CNTRL: variants seen among roughly 807,000 people sequenced by gnomAD.
The protein encoded by CNTRL is 110 kDa centrosomal protein.
A neutral mutation model predicts 303.7 loss-of-function variants in CNTRL; 233 were observed. That is an observed-to-expected ratio of 0.77 (90% CI 0.69 to 0.86). The LOEUF (loss-of-function observed/expected upper bound fraction) is 0.86. Among genes scored for constraint, CNTRL ranks in the 40% least tolerant of loss-of-function variants. CNTRL has a pLI of 0.00. For synonymous variants in CNTRL, 900 were observed against 922.2 expected (o/e 0.98, Z 0.44); for missense variants, 2,524 against 2,650.6 (o/e 0.95, Z 1.05).
chr9:121,175,249 CAA>C (rs1186777274), intron 43 of CNTRL, 25 bp downstream of exon 43: 1 of 1,604,294 alleles, frequency 6.2e-7, no homozygotes, highest in Non-Finnish European at 8.5e-7. Context: ...TTTTTAAAAA[CAA>C]AACAATAGCC....
chr9:121,129,554 T>A (rs926134389), intron 14 of CNTRL, among the ~76,000 whole-genome samples: 2 of 152,220 alleles, frequency 1.3e-5, no homozygotes, highest in African/African-American at 4.8e-5. Flanking sequence ...TGGGGTTTTC[T>A]AAATATACAA....
intron 7 of CNTRL, among the ~76,000 whole-genome samples, chr9:121,100,271 A>G (rs1466902225): frequency 1.3e-5 from 2 of 152,242 alleles, no homozygotes; most frequent in Non-Finnish European, 2.9e-5. Context: ...CTTAAAGAAA[A>G]TAATTTTCAA....
chr9:121,121,804 A>C, intron 12 of CNTRL: 2 of 985,474 alleles, frequency 2.0e-6, no homozygotes, highest in African/African-American at 1.7e-5. Flanking sequence ...AGGCTCTGCG[A>C]AGTTACAGAG....
intron 17 of CNTRL, 125 bp downstream of exon 17, chr9:121,140,911 C>T (rs1386812290): frequency 1.1e-6 from 1 of 885,354 alleles, no homozygotes; most frequent in Non-Finnish European, 1.6e-6. Flanking sequence ...TTGTAAGGTT[C>T]TCCTTATGAA....
At chr9:121,087,685 C>T (rs2048400501) in intron 2 of CNTRL, among the ~76,000 whole-genome samples, 1 of 151,950 alleles carries the variant, frequency 6.6e-6, no homozygotes, top group South Asian at 2.1e-4. Flanking sequence ...GAGTGAGATT[C>T]TGTCTCAAAA....
intron 7 of CNTRL, among the ~76,000 whole-genome samples, chr9:121,101,943 C>T (rs551756150): frequency 1.4e-4 from 21 of 152,238 alleles, no homozygotes; most frequent in African/African-American, 3.9e-4. Flanking sequence ...CAGGATCAGA[C>T]GGAGTCACAG....
rs776393268 is a variant in CNTRL at position 121,162,190 on chromosome 9, G to A, written c.5342G>A (p.Cys1781Tyr). ...GCTGAGTCCCGAGCTTTACAATCGT[G>A]TGTTGAGTGTTTGAGCAAAGAAAAG... ...MTAESRALQS[C>Y]VECLSKEKED... The change falls in exon 34 of 44, where the codon TGT becomes TAT. Residue 1781 changes from cysteine to tyrosine, a missense_variant. Transcript: ENST00000373855. 6.2e-7 allele frequency: 1 copy of A among 1,614,156 alleles called. No individual in the cohort carries two copies. The highest frequency in any genetic ancestry group is 1.1e-5 in the South Asian group (1 of 91,086).
In CNTRL at chr9:121,173,615, G is replaced by A. The variant is rs376123544; in HGVS notation, c.6685-60G>A. The A allele has an allele frequency of 8.8e-5, 142 of 1,611,078 alleles. 2 individuals are homozygous for A. Among genetic ancestry groups the A allele is most frequent in the East Asian group, 4.7e-4 (21 of 44,866 alleles). On this transcript the variant is annotated intron_variant, in intron 41 of 43. Coordinates refer to ENST00000373855, the MANE Select transcript of CNTRL (RefSeq NM_007018.6). ...GCTGGGGTAGGGGAGGGAAAGGCTG[G>A]TTGGCTTCCATTTGTAGCAGCAGAT...
In CNTRL at chr9:121,115,214, A is replaced by G. The variant is rs1433143152; in HGVS notation, c.1455+14A>G. ...CAACTAAAAAAGGTATGTAAAAGCAAAGCAGCAATGCTAAGAGGAAATGAA... is the reference window on the plus strand; with the variant it reads ...CAACTAAAAAAGGTATGTAAAAGCAGAGCAGCAATGCTAAGAGGAAATGAA... On this transcript the variant is annotated intron_variant, in intron 11 of 43. Coordinates refer to ENST00000373855, the MANE Select transcript of CNTRL (RefSeq NM_007018.6). 7.4e-7 allele frequency: 1 copy of G among 1,344,450 alleles called. No homozygotes were observed. The highest frequency in any genetic ancestry group is 1.1e-6 in the Non-Finnish European group (1 of 944,206). 83.3% of individuals were successfully genotyped at this position (1,344,450 alleles called of 1,614,324 possible).
intron 1 of CNTRL, among the ~76,000 whole-genome samples, chr9:121,079,663 G>C (rs2048063164): frequency 6.6e-6 from 1 of 152,008 alleles, no homozygotes. Context: ...TTCAGATTTG[G>C]AGTGCTTAAC....
At chr9:121,088,767 GC>G (rs2048444387) in intron 3 of CNTRL, among the ~76,000 whole-genome samples, 1 of 152,208 alleles carries the variant, frequency 6.6e-6, no homozygotes, top group Non-Finnish European at 1.5e-5. Flanking sequence ...GAAAGAGGAA[GC>G]TTTGTTTCCT....
chr9:121,148,933 C>A (rs2052039767), intron 24 of CNTRL, 72 bp downstream of exon 24: 2 of 1,379,918 alleles, frequency 1.4e-6, no homozygotes, highest in Middle Eastern at 2.6e-4. Context: ...TCTCTGAAAC[C>A]CCTAAGACAC....
rs1564258179 is a variant in CNTRL, at chr9:121,138,590, GCC to G, written c.2250_2251del (p.Leu751GlnfsTer19). On this transcript the variant is annotated frameshift_variant, in exon 16 of 44. Transcript: ENST00000373855. LOFTEE classifies it high-confidence loss of function. ...LQAELEKERQ[A>X]LKNALGKAQF... ...AGCAGAACTTGAGAAGGAAAGGCAA[GCC>G]CTCAAGAATGCCCTTGGAAAAGCCC... is the stretch of plus-strand genomic sequence containing the variant. The G allele has an allele frequency of 1.2e-6, 2 of 1,613,842 alleles. No individual in the cohort carries two copies. Among genetic ancestry groups the G allele is most frequent in the Admixed American group, 1.7e-5 (1 of 59,996 alleles).
rs2052585479 is a variant in CNTRL, at chr9:121,156,636, T to C, written c.4366-834T>C. On this transcript the variant is annotated intron_variant, in intron 27 of 43. Transcript: ENST00000373855. ...TTAGTACAATGGCAGACTTCAGTTT[T>C]TTTTGGCTGAAGGTGAGTCACTGCT... is the stretch of plus-strand genomic sequence containing the variant. Among the ~76,000 whole-genome samples, 3 of 152,188 alleles carry C rather than the reference T, an allele frequency of 2.0e-5. No individual in the cohort carries two copies. The East Asian group carries it at 5.8e-4, about 29-fold the overall frequency.
chr9:121,134,413 C>T (rs1193481991), intron 14 of CNTRL, among the ~76,000 whole-genome samples: 1 of 152,054 alleles, frequency 6.6e-6, no homozygotes, highest in East Asian at 1.9e-4. Context: ...GCCTCAGCCT[C>T]CTAAGTAGCT....
intron 26 of CNTRL, among the ~76,000 whole-genome samples, chr9:121,154,292 C>T (rs1564283919): frequency 1.3e-5 from 2 of 152,178 alleles, no homozygotes; most frequent in African/African-American, 4.8e-5. Flanking sequence ...TTACTTCAGC[C>T]GAATGGAATA....
intron 14 of CNTRL, among the ~76,000 whole-genome samples, chr9:121,132,716 C>T (rs886423058): frequency 2.6e-5 from 4 of 152,110 alleles, no homozygotes; most frequent in African/African-American, 2.4e-5. Context: ...AAGAGGCGCT[C>T]GGTTTTTAGA....
intron 43 of CNTRL, among the ~76,000 whole-genome samples, chr9:121,176,028 A>G (rs567027253): frequency 6.6e-6 from 1 of 152,364 alleles, no homozygotes; most frequent in Admixed American, 6.5e-5. Context: ...AGGAACATGA[A>G]ATATACTCAT....
intron 16 of CNTRL, among the ~76,000 whole-genome samples, chr9:121,139,268 C>T (rs1304584138): frequency 6.6e-6 from 1 of 152,130 alleles, no homozygotes; most frequent in African/African-American, 2.4e-5. Flanking sequence ...ATTAAACTCT[C>T]GAAGAAGACA....
Sources: gnomAD v4.1 joint callset for allele counts (sites outside exome capture counted in the v4.1 genomes callset) on GRCh38, gnomAD v4.1.1 for gene constraint, MANE v1.5 for transcripts, NCBI Gene and HGNC (gene_info 2026-07-23, HGNC 2026-07-21) for gene names.